The following CCDC138 variants were observed in gnomAD, a reference collection of about 807,000 sequenced individuals.
CCDC138 encodes the protein coiled-coil domain containing 138, also known as coiled-coil domain-containing protein 138.
Under a neutral mutation model 82.3 loss-of-function variants are expected in CCDC138, and 66 were observed. The ratio of observed to expected loss-of-function variants is 0.80; its 90% confidence interval spans 0.66 to 0.98. The LOEUF (loss-of-function observed/expected upper bound fraction) is 0.98, where lower values mean the gene tolerates loss of function less well. Among genes scored for constraint, CCDC138 ranks in the 50% least tolerant of loss-of-function variants. The pLI, the probability that CCDC138 is intolerant of heterozygous loss-of-function variation, is 0.00. For synonymous variants in CCDC138, 297 were observed against 265.4 expected (o/e 1.12, Z -1.16); for missense variants, 816 against 758.9 (o/e 1.08, Z -0.88).
chr2:108,845,571 AT>A (rs11345346), intron 11 of CCDC138, among the ~76,000 whole-genome samples: 93,370 of 111,608 alleles, frequency 0.84, 38,372 homozygotes, highest in East Asian at 0.88. Flanking sequence ...CTTTCATTTG[AT>A]TTTTTTTTTT....
Position 108,788,844 on chromosome 2 carries a change from G to A in CCDC138, c.152-8G>A, listed in dbSNP as rs1455003321. 2 of 1,613,806 alleles carry A rather than the reference G, an allele frequency of 1.2e-6. No homozygotes were observed. The highest frequency in any genetic ancestry group is 1.7e-6 in the Non-Finnish European group (2 of 1,179,856). ...GGTAATCTTTCATGGTTTCTTTGTC[G>A]TTGACAGGTGATTTGGATATCTACT... On this transcript the variant is annotated splice_region_variant and splice_polypyrimidine_tract_variant and intron_variant, in intron 2 of 14. Transcript: ENST00000295124.
chr2:108,877,584 G>C (rs1335564890), downstream of CCDC138, among the ~76,000 whole-genome samples: 2 of 116,976 alleles, frequency 1.7e-5, no homozygotes, highest in East Asian at 3.1e-4. Flanking sequence ...AGGTGTCTCG[G>C]AACTCAGAGT....
rs1696011708 is a variant in CCDC138 at position 108,876,247 on chromosome 2, C to G, written c.1992C>G (p.Ser664Arg). 1 of 1,580,258 alleles carries G rather than the reference C, an allele frequency of 6.3e-7. No homozygotes were observed. The highest frequency in any genetic ancestry group is 1.2e-5 in the South Asian group (1 of 84,976). The change falls in exon 15 of 15, where the codon AGC becomes AGG. Residue 664 changes from serine (S) to arginine (R), a missense_variant. By Grantham distance (110) the Ser-to-Arg change is moderately radical. Coordinates refer to ENST00000295124, the MANE Select transcript of CCDC138 (RefSeq NM_144978.3). Reference sequence around the variant, plus strand: ...GTAACTCCCTGGTCTCCAGTGCAAGCCCTTAGACTGGCTAATTTTTTAATA... The same window carrying G: ...GTAACTCCCTGGTCTCCAGTGCAAGGCCTTAGACTGGCTAATTTTTTAATA... The part of the protein sequence containing the change: ...TKCNSLVSSA[S>R]P
chr2:108,837,922 C>T (rs115565082), intron 10 of CCDC138, among the ~76,000 whole-genome samples: 3,100 of 149,916 alleles, frequency 0.021, 91 homozygotes, highest in African/African-American at 0.069. Flanking sequence ...ATAATTTTTT[C>T]GATTTTTTTT....
At chr2:108,796,330 A>T (rs1437981725) in intron 5 of CCDC138, among the ~76,000 whole-genome samples, 1 of 152,088 alleles carries the variant, frequency 6.6e-6, no homozygotes, top group Non-Finnish European at 1.5e-5. Flanking sequence ...CTGGGATTAC[A>T]GGCGTGAGCC....
intron 9 of CCDC138, 113 bp from the exon 10 acceptor site, chr2:108,815,828 T>G: frequency 1.1e-6 from 1 of 878,536 alleles, no homozygotes; most frequent in East Asian, 2.6e-5. Context: ...CTTAACACAT[T>G]TTAGTGAATT....
In CCDC138 at chr2:108,824,006, A is replaced by C. The variant is rs1407498416; in HGVS notation, c.1206+7901A>C. On this transcript the variant is annotated intron_variant, in intron 10 of 14. Coordinates refer to ENST00000295124, the MANE Select transcript of CCDC138 (RefSeq NM_144978.3). Reference sequence around the variant, plus strand: ...AAAAAAAGGGAGGGGTGGGGGGTACACCTGAATAGAGCACTTAACCATGAA... The same window carrying C: ...AAAAAAAGGGAGGGGTGGGGGGTACCCCTGAATAGAGCACTTAACCATGAA... Among the ~76,000 whole-genome samples the C allele has an allele frequency of 2.6e-5, 4 of 152,038 alleles. No individual in the cohort carries two copies. In the South Asian group the frequency reaches 8.3e-4, roughly 32 times the overall value.
rs1683965073 is a variant in CCDC138, at chr2:108,812,140, A to AT, written c.856-489dup. On this transcript the variant is annotated intron_variant, in intron 7 of 14. Coordinates refer to ENST00000295124, the MANE Select transcript of CCDC138 (RefSeq NM_144978.3). Reference sequence around the variant, plus strand: ...TTAAAAGAAAATAAAACCTAAATAAATTGAAGATATGTTCATGGATAGGAA... The same window carrying AT: ...TTAAAAGAAAATAAAACCTAAATAAATTTGAAGATATGTTCATGGATAGGAA... Among the ~76,000 whole-genome samples, 3 of 152,144 alleles carry AT rather than the reference A, an allele frequency of 2.0e-5. No individual in the cohort carries two copies. The South Asian group carries it at 6.2e-4, about 32-fold the overall frequency.
At chr2:108,826,992 T>C (rs1686725730) in intron 10 of CCDC138, among the ~76,000 whole-genome samples, 2 of 152,248 alleles carry the variant, frequency 1.3e-5, no homozygotes, top group Admixed American at 6.5e-5. Context: ...TTTTTATTCT[T>C]TTTGATGATG....
At chr2:108,839,381 T>G in intron 11 of CCDC138, 80 bp downstream of exon 11, 1 of 1,182,084 alleles carries the variant, frequency 8.5e-7, no homozygotes, top group Non-Finnish European at 1.2e-6. Flanking sequence ...AATATCTGTT[T>G]TGAATATATT....
rs756225106 is a variant in CCDC138 at position 108,798,584 on chromosome 2, G to A, written c.733G>A (p.Glu245Lys). 6.2e-7 allele frequency: 1 copy of A among 1,601,488 alleles called. No homozygotes were observed. The highest frequency in any genetic ancestry group is 8.5e-7 in the Non-Finnish European group (1 of 1,172,196). Reference protein sequence around the residue: ...EVLTRFQIIKEQHDAEVEHLT... With the variant: ...EVLTRFQIIKKQHDAEVEHLT... ...TCTTACAAGATTTCAAATTATAAAA[G>A]AGGTAACTATATAGCCTTTGATTTT... The change falls in exon 6 of 15, where the codon GAG (glutamate) becomes AAG (lysine). Residue 245 changes from glutamate (E) to lysine (K), a missense_variant and splice_region_variant. Glu to Lys is a moderately conservative substitution (Grantham distance 56, BLOSUM62 1). Coordinates refer to ENST00000295124, the MANE Select transcript of CCDC138 (RefSeq NM_144978.3).
At chr2:108,807,785 T>C (rs1047547888) in intron 7 of CCDC138, among the ~76,000 whole-genome samples, 2 of 152,058 alleles carry the variant, frequency 1.3e-5, no homozygotes, top group African/African-American at 4.8e-5. Context: ...ACCTGGCTAA[T>C]TTTTGTATTT....
intron 12 of CCDC138, 123 bp from the exon 13 acceptor site, chr2:108,856,671 C>G (rs1692649172): frequency 2.3e-6 from 2 of 857,408 alleles, no homozygotes; most frequent in African/African-American, 3.5e-5. Context: ...ACTGTGATCT[C>G]TTATTTAATT....
intron 10 of CCDC138, among the ~76,000 whole-genome samples, chr2:108,832,008 C>T (rs570972949): frequency 1.3e-5 from 2 of 152,138 alleles, no homozygotes; most frequent in East Asian, 3.9e-4. Context: ...GCTGGGATTA[C>T]AAGCGTGAGC....
chr2:108,873,513 C>A lies in CCDC138; in HGVS notation c.1756C>A (p.Leu586Met), dbSNP rs750249293. ...NSLFFRTCSVLLRAPKLDLQI... is the reference protein window; with the variant it reads ...NSLFFRTCSVMLRAPKLDLQI... Reference sequence around the variant, plus strand: ...TTTATTTTTTCGTACTTGCTCTGTGCTGCTTCGAGCCCCTAAGCTTGATCT... The same window carrying A: ...TTTATTTTTTCGTACTTGCTCTGTGATGCTTCGAGCCCCTAAGCTTGATCT... Residue 586 changes from leucine to methionine, a missense_variant, in exon 14 of 15, where the codon CTG (leucine) becomes ATG (methionine). Transcript: ENST00000295124. The A allele has an allele frequency of 6.2e-7, 1 of 1,612,378 alleles. No homozygotes were observed. Among genetic ancestry groups the A allele is most frequent in the East Asian group, 2.2e-5 (1 of 44,856 alleles).
Position 108,864,766 on chromosome 2 carries a change from C to A in CCDC138, c.1693+7796C>A, listed in dbSNP as rs991028103. On this transcript the variant is annotated intron_variant, in intron 13 of 14. Coordinates refer to ENST00000295124, the MANE Select transcript of CCDC138 (RefSeq NM_144978.3). ...TTGAGAGTGTGCCTCTGCACTCCAG[C>A]CTGGGCGACAGAGCGAGACTCCATC... Among the ~76,000 whole-genome samples the A allele has an allele frequency of 9.8e-4, 148 of 150,344 alleles. 1 individual carries two copies. Among genetic ancestry groups the A allele is most frequent in the African/African-American group, 3.6e-3 (146 of 40,786 alleles).
chr2:108,812,721 T>G lies in CCDC138; in HGVS notation c.933+13T>G. On this transcript the variant is annotated intron_variant, in intron 8 of 14. Coordinates refer to ENST00000295124, the MANE Select transcript of CCDC138 (RefSeq NM_144978.3). The stretch of plus-strand genomic sequence containing the variant: ...AGATAATTTACAGGTAAGTTGCCTG[T>G]TCTTCTCTACAGACAGAAGTATGTT... 1 of 1,607,354 alleles carries G rather than the reference T, an allele frequency of 6.2e-7. No individual in the cohort carries two copies. The highest frequency in any genetic ancestry group is 8.5e-7 in the Non-Finnish European group (1 of 1,174,160).
Position 108,854,072 on chromosome 2 carries a change from TATA to T in CCDC138, c.1517-2718_1517-2716del, listed in dbSNP as rs967595758. Among the ~76,000 whole-genome samples the T allele has an allele frequency of 6.4e-5, 8 of 125,424 alleles. No homozygotes were observed. The East Asian group carries it at 6.6e-4, about 10-fold the overall frequency. 82.3% of individuals were successfully genotyped at this position (125,424 alleles called of 152,430 possible). A position where few individuals can be genotyped will look rare whatever the true frequency, so the allele number is the denominator to read the frequency against. ...AAATTTATATTATATATATTTTATA[TATA>T]ATATAATAAATTTATATTATATATA... On this transcript the variant is annotated intron_variant, in intron 12 of 14. Transcript: ENST00000295124.
Position 108,791,746 on chromosome 2 carries a change from A to AT in CCDC138, c.340dup (p.Tyr114LeufsTer2). On this transcript the variant is annotated frameshift_variant, in exon 4 of 15. Transcript: ENST00000295124. LOFTEE classifies it high-confidence loss of function. The stretch of plus-strand genomic sequence containing the variant: ...ACAGAAGAAGAGTTAATTGAAAATG[A>AT]TTATAGAGTTAGTACCTCGAAAATA... The AT allele has an allele frequency of 6.2e-7, 1 of 1,605,990 alleles. No homozygotes were observed. Among genetic ancestry groups the AT allele is most frequent in the Non-Finnish European group, 8.5e-7 (1 of 1,174,816 alleles).
Sources: gnomAD v4.1 joint callset for allele counts (sites outside exome capture counted in the v4.1 genomes callset) on GRCh38, gnomAD v4.1.1 for gene constraint, MANE v1.5 for transcripts, NCBI Gene and HGNC (gene_info 2026-07-23, HGNC 2026-07-21) for gene names.